Variants in ROR1 observed in about 807,000 individuals in gnomAD.
ROR1 encodes inactive tyrosine-protein kinase transmembrane receptor ROR1.
A neutral mutation model predicts 78.8 loss-of-function variants in ROR1; 19 were observed. The observed-to-expected ratio is 0.24, with a 90% confidence interval of 0.17 to 0.35. The LOEUF (loss-of-function observed/expected upper bound fraction) is 0.35, where lower values mean the gene tolerates loss of function less well. Among genes scored for constraint, ROR1 ranks in the 10% least tolerant of loss-of-function variants. The pLI is 1.00. For synonymous variants in ROR1, 386 were observed against 433.6 expected (o/e 0.89, Z 1.36); for missense variants, 917 against 1,177.8 (o/e 0.78, Z 3.24).
At chr1:64,050,831 C>T (rs1557627469) in intron 4 of ROR1, 115 bp downstream of exon 4, 1 of 1,015,776 alleles carries the variant, frequency 9.8e-7, no homozygotes, top group Non-Finnish European at 1.6e-6. Flanking sequence ...GATGTCATTC[C>T]ATTTTGCCCT....
intron 1 of ROR1, among the ~76,000 whole-genome samples, chr1:63,940,488 GATAGACAGACA>G (rs1645828808): frequency 1.3e-5 from 1 of 77,316 alleles, no homozygotes; most frequent in Non-Finnish European, 3.3e-5. Context: ...TAGACAGATA[GATAGACAGACA>G]GATAGATAGA....
chr1:63,993,465 T>G (rs985521359), intron 1 of ROR1, among the ~76,000 whole-genome samples: 1 of 152,212 alleles, frequency 6.6e-6, no homozygotes, highest in Non-Finnish European at 1.5e-5. Flanking sequence ...TTCCCAATTT[T>G]GGGGCATCTC....
chr1:63,774,557 G>A lies in ROR1; in HGVS notation c.91+49G>A, dbSNP rs1282399850. On this transcript the variant is annotated intron_variant, in intron 1 of 8. Transcript: ENST00000371079. This position sits in a 1 kb window ranked among gnomAD's most constrained non-coding sequence, Gnocchi z 5.7. ...GCCCGCCCAGACCCCCTGACCCGTG[G>A]CCACCCTTCCGCCGTCCAGCCGGGC... The A allele has an allele frequency of 4.1e-6, 4 of 985,494 alleles. No individual in the cohort carries two copies. Among genetic ancestry groups the A allele is most frequent in the Non-Finnish European group, 4.9e-6 (4 of 813,278 alleles). 61.0% of individuals were successfully genotyped at this position (985,494 alleles called of 1,614,324 possible). A position where few individuals can be genotyped will look rare whatever the true frequency, so the allele number is the denominator to read the frequency against.
At chr1:64,065,210 T>G (rs1171993006) in intron 4 of ROR1, among the ~76,000 whole-genome samples, 4 of 152,176 alleles carry the variant, frequency 2.6e-5, no homozygotes, top group African/African-American at 9.7e-5. Context: ...ACTAATAGAC[T>G]ATTACTTCCC....
chr1:63,879,875 C>T (rs905239429), intron 1 of ROR1, among the ~76,000 whole-genome samples: 18 of 152,260 alleles, frequency 1.2e-4, no homozygotes, highest in African/African-American at 4.1e-4. Flanking sequence ...ATGATCTAAG[C>T]TGAAATAGAT....
chr1:64,137,745 T>G (rs569609620), intron 5 of ROR1, among the ~76,000 whole-genome samples: 1 of 152,230 alleles, frequency 6.6e-6, no homozygotes. Context: ...ATAAATATTA[T>G]TAAGTGCTTT....
chr1:64,049,911 CT>C lies in ROR1; in HGVS notation c.386del (p.Phe129SerfsTer70). The C allele has an allele frequency of 6.2e-7, 1 of 1,614,204 alleles. No homozygotes were observed. Among genetic ancestry groups the C allele is most frequent in the African/African-American group, 1.3e-5 (1 of 75,054 alleles). ...RNLDTTDTGY[F>X]QCVATNGKEV... is the part of the protein sequence containing the mutation. ...ACCTCGACACCACAGACACAGGCTA[CT>C]TCCAGTGCGTGGCAACAAACGGCAA... is the stretch of plus-strand genomic sequence containing the variant. On this transcript the variant is annotated frameshift_variant, in exon 3 of 9. Coordinates refer to ENST00000371079, the MANE Select transcript of ROR1 (RefSeq NM_005012.4). LOFTEE classifies it high-confidence loss of function.
intron 7 of ROR1, among the ~76,000 whole-genome samples, chr1:64,151,854 G>A (rs1569858674): frequency 6.8e-6 from 1 of 147,746 alleles, no homozygotes; most frequent in East Asian, 2.0e-4. Context: ...CTGCACTCCA[G>A]CCTCGGTGAC....
At chr1:64,114,278 G>A (rs975370920) in intron 4 of ROR1, among the ~76,000 whole-genome samples, 4 of 152,122 alleles carry the variant, frequency 2.6e-5, no homozygotes, top group South Asian at 2.1e-4. Flanking sequence ...TCACACCATC[G>A]GAATTCTTCA....
intron 4 of ROR1, among the ~76,000 whole-genome samples, chr1:64,056,676 CAA>C (rs373734444): frequency 3.1e-5 from 4 of 127,274 alleles, no homozygotes; most frequent in Non-Finnish European, 1.7e-5. Context: ...ACTCTATCTC[CAA>C]AAAAAAAAAA....
At chr1:63,958,082 C>G (rs1404779309) in intron 1 of ROR1, among the ~76,000 whole-genome samples, 1 of 152,158 alleles carries the variant, frequency 6.6e-6, no homozygotes, top group African/African-American at 2.4e-5. Context: ...GCACTTACCA[C>G]AATTCCTCAT....
At chr1:63,902,673 T>C (rs888617375) in intron 1 of ROR1, among the ~76,000 whole-genome samples, 2 of 152,160 alleles carry the variant, frequency 1.3e-5, no homozygotes, top group African/African-American at 4.8e-5. Flanking sequence ...ACAGCTGTAT[T>C]ACAATCTGCA....
intron 1 of ROR1, among the ~76,000 whole-genome samples, chr1:63,902,105 G>A (rs751966790): frequency 1.3e-5 from 2 of 152,026 alleles, no homozygotes; most frequent in Non-Finnish European, 2.9e-5. Flanking sequence ...AGGCTTTTTT[G>A]AATATATTCA....
At chr1:64,171,111 C>G (rs1345426668) in intron 8 of ROR1, 1 of 171,530 alleles carries the variant, frequency 5.8e-6, no homozygotes, top group East Asian at 1.7e-4. Flanking sequence ...CAGCAGCACC[C>G]CACTCTACTG....
At chr1:63,928,465 A>T (rs1252356764) in intron 1 of ROR1, among the ~76,000 whole-genome samples, 1 of 152,220 alleles carries the variant, frequency 6.6e-6, no homozygotes, top group Non-Finnish European at 1.5e-5. Flanking sequence ...AGTGCCTCCT[A>T]TGCAGACGCA....
Position 63,929,795 on chromosome 1 carries a change from C to T in ROR1, c.92-79510C>T, listed in dbSNP as rs931565710. Among the ~76,000 whole-genome samples the T allele has an allele frequency of 2.6e-5, 4 of 151,966 alleles. No individual in the cohort carries two copies. In the South Asian group the frequency reaches 6.2e-4, roughly 24 times the overall value. On this transcript the variant is annotated intron_variant, in intron 1 of 8. Coordinates refer to ENST00000371079, the MANE Select transcript of ROR1 (RefSeq NM_005012.4). ...TCAGTAGCTCATGTGATCATCCTGCCTTAGGAGGAAGTATAATTAACAGAT... is the reference window on the plus strand; with the variant it reads ...TCAGTAGCTCATGTGATCATCCTGCTTTAGGAGGAAGTATAATTAACAGAT...
intron 1 of ROR1, among the ~76,000 whole-genome samples, chr1:63,780,289 C>G (rs576888054): frequency 6.6e-6 from 1 of 151,456 alleles, no homozygotes; most frequent in African/African-American, 2.4e-5. Context: ...AAAGAGGTGG[C>G]GTGGAGTAAT....
chr1:63,893,319 C>T (rs1343150060), intron 1 of ROR1, among the ~76,000 whole-genome samples: 12 of 152,066 alleles, frequency 7.9e-5, no homozygotes, highest in Admixed American at 7.9e-4. Context: ...CCTGTTTCTC[C>T]AGCTCTCTGC....
rs1173302464 is a variant in ROR1, at chr1:64,178,414, C to T, written c.2373C>T (p.Phe791=). 1.2e-6 allele frequency: 2 copies of T among 1,614,160 alleles called. No homozygotes were observed. The highest frequency in any genetic ancestry group is 1.7e-5 in the Admixed American group (1 of 60,026). The change falls in exon 9 of 9, where the codon TTC becomes TTT. Residue 791 remains phenylalanine (F), a synonymous_variant. Transcript: ENST00000371079. This position sits in a 1 kb window ranked among gnomAD's most constrained non-coding sequence, Gnocchi z 4.3. ...LSNPRYPNYM[F]PSQGITPQGQ... ...ACCCCAGATATCCTAATTACATGTT[C>T]CCGAGCCAGGGTATTACACCACAGG... is the stretch of plus-strand genomic sequence containing the variant.
Sources: allele counts gnomAD v4.1 joint callset (sites outside exome capture counted in the v4.1 genomes callset), GRCh38; gene constraint gnomAD v4.1.1; non-coding constraint Gnocchi (gnomAD v3.1); transcripts MANE v1.5; gene names NCBI Gene and HGNC (gene_info 2026-07-23, HGNC 2026-07-21).